The following INSR variants were observed in gnomAD, a reference collection of about 807,000 sequenced individuals.
The protein encoded by INSR is insulin receptor.
In INSR, 67 loss-of-function variants were observed where a neutral mutation model predicts 142.6. The observed-to-expected ratio is 0.47, with a 90% CI of 0.39 to 0.58. The LOEUF is 0.58. Among genes scored for constraint, INSR ranks in the 20% least tolerant of loss-of-function variants. The probability of loss-of-function intolerance (pLI) is 0.00; values close to 1 mark genes in which losing one functional copy is unlikely to be tolerated. For synonymous variants in INSR, 756 were observed against 743.1 expected, an observed-to-expected ratio of 1.02 and a Z score of -0.28; for missense variants, 1,248 against 1,833.2, an observed-to-expected ratio of 0.68 and a Z score of 5.83.
chr19:7,152,409 A>T (rs867589282), intron 10 of INSR: 1 of 382,126 alleles, frequency 2.6e-6, no homozygotes, highest in Non-Finnish European at 4.9e-6. Context: ...GAGAGAGAAA[A>T]AAAAAAATGT....
At chr19:7,151,188 C>CTTTCTTTCTT (rs1973344851) in intron 10 of INSR, among the ~76,000 whole-genome samples, 1 of 97,706 alleles carries the variant, frequency 1.0e-5, no homozygotes, top group African/African-American at 3.5e-5. Context: ...TTCTTTCTTT[C>CTTTCTTTCTT]TTTCTTTCTT....
chr19:7,156,782 C>CTTTTTTTT, intron 9 of INSR, among the ~76,000 whole-genome samples: 1 of 63,184 alleles, frequency 1.6e-5, no homozygotes, highest in Non-Finnish European at 2.9e-5. Flanking sequence ...CTATTTCTCT[C>CTTTTTTTT]TTTTTTTTTT....
At chr19:7,197,954 T>G (rs1174394979) in intron 2 of INSR, among the ~76,000 whole-genome samples, 7 of 116,164 alleles carry the variant, frequency 6.0e-5, no homozygotes, top group East Asian at 5.2e-4. Flanking sequence ...TGTGTCCCCA[T>G]GGTGGGAGTG....
At chr19:7,219,473 A>AGGAAGG (rs1975532684) in intron 2 of INSR, among the ~76,000 whole-genome samples, 1 of 71,266 alleles carries the variant, frequency 1.4e-5, no homozygotes, top group African/African-American at 5.0e-5. Flanking sequence ...AGAGAGAGAA[A>AGGAAGG]AGGGAGGGAG....
intron 2 of INSR, among the ~76,000 whole-genome samples, chr19:7,226,281 G>C (rs1246907019): frequency 6.6e-6 from 1 of 151,946 alleles, no homozygotes; most frequent in Non-Finnish European, 1.5e-5. Context: ...ATGGTGGCGT[G>C]TGCCTGTAGT....
intron 2 of INSR, among the ~76,000 whole-genome samples, chr19:7,222,127 TAAAAA>T (rs57114939): frequency 4.8e-5 from 6 of 126,314 alleles, no homozygotes; most frequent in Non-Finnish European, 8.0e-5. Flanking sequence ...ATGTCCTCGG[TAAAAA>T]AAAAAAAAAA....
chr19:7,253,981 A>C lies in INSR; in HGVS notation c.652+13364T>G, dbSNP rs141191190. Among the ~76,000 whole-genome samples the C allele has an allele frequency of 3.7e-3, 553 of 148,040 alleles. 22 individuals carry two copies. In the East Asian group the frequency reaches 0.095, roughly 25 times the overall value. On this transcript the variant is annotated intron_variant, in intron 2 of 21. Coordinates refer to ENST00000302850, the MANE Select transcript of INSR (RefSeq NM_000208.4). The stretch of plus-strand genomic sequence containing the variant: ...GAGGCAGAGGTTGCAGTGAGCCGAG[A>C]TTGTGTCACTGTGCTCCAGCCTGGG...
At chr19:7,279,629 T>C (rs1445426752) in intron 1 of INSR, among the ~76,000 whole-genome samples, 1 of 151,278 alleles carries the variant, frequency 6.6e-6, no homozygotes, top group Admixed American at 6.7e-5. Flanking sequence ...CGGATGCTGG[T>C]GGACGCAGTG....
chr19:7,132,458 G>C, intron 13 of INSR, 141 bp from the exon 14 acceptor site: 1 of 879,050 alleles, frequency 1.1e-6, no homozygotes. Flanking sequence ...ACACATAAGC[G>C]ACTTTGAGAA....
In INSR at chr19:7,132,167, T is replaced by C; in HGVS notation, c.2833A>G (p.Thr945Ala). ...TGCCATGGAGACTTACAATAGTCTG[T>C]CACGTAGAAATAGGTGGGTTCCGTC... ...SWTEPTYFYV[T>A]DYLDVPSNIA... Residue 945 changes from threonine (T) to alanine (A), a missense_variant, in exon 14 of 22, where the codon ACA becomes GCA. Thr to Ala is a moderately conservative substitution (Grantham distance 58). Transcript: ENST00000302850. The C allele has an allele frequency of 6.2e-7, 1 of 1,614,104 alleles. No individual in the cohort carries two copies. The highest frequency in any genetic ancestry group is 8.5e-7 in the Non-Finnish European group (1 of 1,179,970).
chr19:7,190,885 T>C (rs188398260), intron 2 of INSR, among the ~76,000 whole-genome samples: 10 of 152,350 alleles, frequency 6.6e-5, no homozygotes, highest in African/African-American at 2.2e-4. Context: ...ATGATAAGTA[T>C]GTGAGGTGAT....
At chr19:7,143,986 C>T (rs1054097729) in intron 11 of INSR, among the ~76,000 whole-genome samples, 4 of 150,706 alleles carry the variant, frequency 2.7e-5, no homozygotes, top group African/African-American at 4.9e-5. Context: ...ACCCGGGAGG[C>T]GGAGGTTGCA....
In INSR at chr19:7,112,629, G is replaced by C. The variant is rs903257368; in HGVS notation, c.*4427C>G. ...TTCCTTCCTTCTCCAATGGGACCAA[G>C]AGCCCCAGATTTGTGATCTGGTTTT... On this transcript the variant is annotated 3_prime_UTR_variant, in exon 22 of 22. Coordinates refer to ENST00000302850, the MANE Select transcript of INSR (RefSeq NM_000208.4). 3 of 152,166 alleles carry C rather than the reference G, an allele frequency of 2.0e-5. No individual in the cohort carries two copies. Among genetic ancestry groups the C allele is most frequent in the African/African-American group, 7.2e-5 (3 of 41,414 alleles). The allele number at this position is 152,166 out of a possible 1,614,324, so 9.4% of individuals were successfully genotyped here.
At chr19:7,199,560 CTTTTTTTTTTTTTT>C (rs3084138) in intron 2 of INSR, among the ~76,000 whole-genome samples, 1 of 78,688 alleles carries the variant, frequency 1.3e-5, no homozygotes, top group South Asian at 6.1e-4. Flanking sequence ...ACTGCGACAG[CTTTTTTTTTTTTTT>C]TTTTTTTTGA....
intron 2 of INSR, among the ~76,000 whole-genome samples, chr19:7,207,788 G>A (rs1475862422): frequency 1.3e-5 from 2 of 152,004 alleles, no homozygotes; most frequent in Non-Finnish European, 2.9e-5. Flanking sequence ...TTGAGGGCCT[G>A]AGGCAGGAGG....
rs182552125 is a variant in INSR, at chr19:7,124,432, G to A, written c.3258+851C>T. Among the ~76,000 whole-genome samples, 363 of 143,658 alleles carry A rather than the reference G, an allele frequency of 2.5e-3. 14 individuals are homozygous for A. In the East Asian group the frequency reaches 0.056, roughly 22 times the overall value. The allele number at this position is 143,658 out of a possible 152,430, so 94.2% of individuals were successfully genotyped here. On this transcript the variant is annotated intron_variant, in intron 17 of 21. Coordinates refer to ENST00000302850, the MANE Select transcript of INSR (RefSeq NM_000208.4). ...CAGGCGCCTGTAGTCCCAGCTACTC[G>A]GGAGGCTGAGGCAGGAGAATAGTGT...
intron 1 of INSR, among the ~76,000 whole-genome samples, chr19:7,274,975 C>CTTTT (rs546377927): frequency 7.0e-6 from 1 of 143,466 alleles, no homozygotes; most frequent in Non-Finnish European, 1.5e-5. Context: ...TTAGACAGCA[C>CTTTT]TTTTTTTTTT....
At position 7,150,224 on chromosome 19, in the gene INSR, C is replaced by T. The variant is rs1973302185; in HGVS notation, c.2267+273G>A. On this transcript the variant is annotated intron_variant, in intron 11 of 21. Coordinates refer to ENST00000302850, the MANE Select transcript of INSR (RefSeq NM_000208.4). This position sits in a 1 kb window ranked among gnomAD's most constrained non-coding sequence, Gnocchi z 4.2. ...TTAGTGAGCAAACAGTGGCTGCAAA[C>T]AGAAGGCAGGGAGGGGGTACCCAGG... 6.6e-6 allele frequency among the ~76,000 whole-genome samples: 1 copy of T among 152,016 alleles called. No individual in the cohort carries two copies. Among genetic ancestry groups the T allele is most frequent in the African/African-American group, 2.4e-5 (1 of 41,396 alleles).
In INSR at chr19:7,136,829, A is replaced by T. The variant is rs140040285; in HGVS notation, c.2683-4512T>A. On this transcript the variant is annotated intron_variant, in intron 13 of 21. Transcript: ENST00000302850. ...TGTAAAACTTTATTTATTTATTTAC[A>T]TATATATATATATATATATTGAGAT... is the stretch of plus-strand genomic sequence containing the variant. 4.1e-3 allele frequency among the ~76,000 whole-genome samples: 7 copies of T among 1,708 alleles called. 1 individual carries two copies. The highest frequency in any genetic ancestry group is 8.2e-3 in the African/African-American group (5 of 610). 1.1% of individuals were successfully genotyped at this position (1,708 alleles called of 152,430 possible).
Sources: gnomAD v4.1 joint callset for allele counts (sites outside exome capture counted in the v4.1 genomes callset) on GRCh38, gnomAD v4.1.1 for gene constraint, Gnocchi (gnomAD v3.1) non-coding constraint, MANE v1.5 for transcripts, NCBI Gene and HGNC (gene_info 2026-07-23, HGNC 2026-07-21) for gene names.